The following SH3PXD2A variants were observed in gnomAD, a reference collection of about 807,000 sequenced individuals.
The protein encoded by SH3PXD2A is SH3 and PX domain-containing protein 2A.
A neutral mutation model predicts 115.2 loss-of-function variants in SH3PXD2A; 32 were observed. The observed-to-expected ratio is 0.28, with a 90% CI of 0.21 to 0.37. SH3PXD2A has a LOEUF of 0.37. SH3PXD2A is among the 10% of genes least tolerant of loss of function. SH3PXD2A has a pLI of 1.00. For synonymous variants in SH3PXD2A, 610 were observed against 629.1 expected, an observed-to-expected ratio of 0.97 and a Z score of 0.45; for missense variants, 1,328 against 1,498.7, an observed-to-expected ratio of 0.89 and a Z score of 1.88.
chr10:103,746,792 A>T lies in SH3PXD2A; in HGVS notation c.230-10984T>A, dbSNP rs2134199425. 1 of 152,462 alleles carries T rather than the reference A, an allele frequency of 6.6e-6. No homozygotes were observed. 9.4% of individuals were successfully genotyped at this position (152,462 alleles called of 1,614,324 possible). A position where few individuals can be genotyped will look rare whatever the true frequency, so the allele number is the denominator to read the frequency against. ...GACACATCCTGCTCTTCCCCACCTCAGGCCTGTGTGTTCGCTGTCCCTGTT... is the reference window on the plus strand; with the variant it reads ...GACACATCCTGCTCTTCCCCACCTCTGGCCTGTGTGTTCGCTGTCCCTGTT... On this transcript the variant is annotated intron_variant, in intron 3 of 14. Transcript: ENST00000369774. This position sits in a 1 kb window ranked among gnomAD's most constrained non-coding sequence, Gnocchi z 4.4.
chr10:103,821,486 G>A (rs2039379101), intron 1 of SH3PXD2A, among the ~76,000 whole-genome samples: 1 of 152,148 alleles, frequency 6.6e-6, no homozygotes, highest in African/African-American at 2.4e-5. Flanking sequence ...GCAGTGCCAA[G>A]GGAGGCTTAA....
chr10:103,643,246 C>A (rs1392029944), intron 8 of SH3PXD2A, among the ~76,000 whole-genome samples: 5 of 152,228 alleles, frequency 3.3e-5, no homozygotes, highest in African/African-American at 1.2e-4. Flanking sequence ...CCCTAGGAGA[C>A]AAGAGGCAGA....
chr10:103,612,728 G>T, intron 12 of SH3PXD2A, 125 bp downstream of exon 12: 1 of 618,298 alleles, frequency 1.6e-6, no homozygotes, highest in Non-Finnish European at 2.8e-6. Flanking sequence ...AGGGTCAAAG[G>T]CCAGTCTGTA....
intron 5 of SH3PXD2A, among the ~76,000 whole-genome samples, chr10:103,720,391 C>T (rs74157307): frequency 0.042 from 6,466 of 152,262 alleles, 472 homozygotes; most frequent in African/African-American, 0.14. Context: ...TCTGGCTCTC[C>T]GCCTGCAGAA....
intron 1 of SH3PXD2A, among the ~76,000 whole-genome samples, chr10:103,851,751 C>T (rs1474057969): frequency 6.6e-6 from 1 of 152,194 alleles, no homozygotes; most frequent in Admixed American, 6.5e-5. Context: ...AACTGCTAAA[C>T]TGGCTATTAT....
intron 1 of SH3PXD2A, among the ~76,000 whole-genome samples, chr10:103,825,647 G>A (rs1419220011): frequency 6.6e-6 from 1 of 152,102 alleles, no homozygotes; most frequent in Non-Finnish European, 1.5e-5. Flanking sequence ...AGAGCATAGA[G>A]TCCTGTGGCA....
intron 5 of SH3PXD2A, among the ~76,000 whole-genome samples, chr10:103,723,145 C>T (rs1026668443): frequency 1.3e-5 from 2 of 152,188 alleles, no homozygotes; most frequent in African/African-American, 4.8e-5. Context: ...CTCCCCATCA[C>T]CAGGTTCCCC....
chr10:103,645,135 G>C (rs924300666), intron 8 of SH3PXD2A, among the ~76,000 whole-genome samples: 1 of 152,182 alleles, frequency 6.6e-6, no homozygotes. Context: ...CTTAGGTTTG[G>C]GTTGGCCAGT....
chr10:103,715,726 G>A (rs1324087864), intron 5 of SH3PXD2A, among the ~76,000 whole-genome samples: 1 of 152,222 alleles, frequency 6.6e-6, no homozygotes, highest in Admixed American at 6.5e-5. Context: ...GACATAAGCC[G>A]AGCAGTCGCC....
At chr10:103,718,192 T>A (rs2038130414) in intron 5 of SH3PXD2A, among the ~76,000 whole-genome samples, 1 of 151,990 alleles carries the variant, frequency 6.6e-6, no homozygotes, top group Non-Finnish European at 1.5e-5. Context: ...TTTTTTCTTT[T>A]TTTTGTAGAG....
intron 1 of SH3PXD2A, among the ~76,000 whole-genome samples, chr10:103,817,208 G>A (rs2134284903): frequency 6.6e-6 from 1 of 151,292 alleles, no homozygotes; most frequent in Admixed American, 6.6e-5. Flanking sequence ...TGTTATACAG[G>A]TAAACTTACG....
chr10:103,810,665 C>T (rs374069280), intron 1 of SH3PXD2A, among the ~76,000 whole-genome samples: 1 of 152,214 alleles, frequency 6.6e-6, no homozygotes, highest in South Asian at 2.1e-4. Context: ...GCACCGAGCA[C>T]AGGGCCTAGC....
intron 3 of SH3PXD2A, 46 bp from the exon 4 acceptor site, chr10:103,735,854 T>C (rs6584568): frequency 0.36 from 522,523 of 1,462,230 alleles, 96,927 homozygotes; most frequent in African/African-American, 0.61. Context: ...CTAAAACTGC[T>C]ACAGAGACCT....
chr10:103,623,522 G>A (rs1297630598), intron 9 of SH3PXD2A, among the ~76,000 whole-genome samples: 1 of 152,130 alleles, frequency 6.6e-6, no homozygotes, highest in South Asian at 2.1e-4. Context: ...GGGTGGGAGA[G>A]GGGCCAGTGG....
In SH3PXD2A at chr10:103,670,161, G is replaced by A. The variant is rs556250128; in HGVS notation, c.428-1509C>T. 3.3e-5 allele frequency among the ~76,000 whole-genome samples: 5 copies of A among 152,266 alleles called. 1 individual carries two copies. In the South Asian group the frequency reaches 1.0e-3, roughly 32 times the overall value. The stretch of plus-strand genomic sequence containing the variant: ...CAGGTTGGCTCCCGGTGTAGAACTA[G>A]AAAGCCTGGCCCCCTTCTGGTTCTC... On this transcript the variant is annotated intron_variant, in intron 6 of 14. Transcript: ENST00000369774.
chr10:103,767,814 T>TTTG (rs2038773310), intron 2 of SH3PXD2A, among the ~76,000 whole-genome samples: 1 of 145,286 alleles, frequency 6.9e-6, no homozygotes, highest in Admixed American at 6.8e-5. Context: ...TGTTTTGTTT[T>TTTG]TTTTTTTTTT....
chr10:103,654,193 C>A (rs1484237415), intron 8 of SH3PXD2A, among the ~76,000 whole-genome samples: 1 of 152,102 alleles, frequency 6.6e-6, no homozygotes, highest in Non-Finnish European at 1.5e-5. Flanking sequence ...ACCAATGGGA[C>A]CCTGACTTGT....
In SH3PXD2A at chr10:103,683,616, C is replaced by T. The variant is rs114789823; in HGVS notation, c.427+9412G>A. The stretch of plus-strand genomic sequence containing the variant: ...ATTTAAGGCCACAGTGAGCCCTGAT[C>T]GCACCACTGCACTCCAGCCTGGGCC... On this transcript the variant is annotated intron_variant, in intron 6 of 14. Transcript: ENST00000369774. 3.6e-4 allele frequency among the ~76,000 whole-genome samples: 55 copies of T among 152,210 alleles called. 3 individuals carry two copies. Among genetic ancestry groups the T allele is most frequent in the African/African-American group, 1.1e-3 (44 of 41,522 alleles).
At chr10:103,750,139 A>C (rs1288032420) in intron 3 of SH3PXD2A, among the ~76,000 whole-genome samples, 1 of 152,082 alleles carries the variant, frequency 6.6e-6, no homozygotes, top group South Asian at 2.1e-4. Flanking sequence ...TGTAGCCTCG[A>C]CCTCCGAGCC....
Sources: allele counts gnomAD v4.1 joint callset (sites outside exome capture counted in the v4.1 genomes callset), GRCh38; gene constraint gnomAD v4.1.1; non-coding constraint Gnocchi (gnomAD v3.1); transcripts MANE v1.5; gene names NCBI Gene and HGNC (gene_info 2026-07-23, HGNC 2026-07-21).